PRTG: variants seen among roughly 807,000 people sequenced by gnomAD.
PRTG encodes immunoglobulin superfamily, DCC subclass, member 5.
In PRTG, 67 loss-of-function variants were observed where a neutral mutation model predicts 122.5. That is an observed-to-expected ratio of 0.55 (90% CI 0.45 to 0.67). PRTG has a LOEUF of 0.67. PRTG is among the 30% of genes least tolerant of loss of function. The pLI, the probability that PRTG is intolerant of heterozygous loss-of-function variation, is 0.00. For synonymous variants in PRTG, 554 were observed against 501.1 expected, an observed-to-expected ratio of 1.11 and a Z score of -1.41; for missense variants, 1,435 against 1,415.4, an observed-to-expected ratio of 1.01 and a Z score of -0.22.
At chr15:55,686,401 A>G (rs1595650912) in intron 2 of PRTG, among the ~76,000 whole-genome samples, 1 of 151,924 alleles carries the variant, frequency 6.6e-6, no homozygotes, top group Non-Finnish European at 1.5e-5. Flanking sequence ...TATCTTACTT[A>G]GTTTAAATTT....
chr15:55,647,625 T>C (rs1447881717), intron 11 of PRTG, among the ~76,000 whole-genome samples: 1 of 152,220 alleles, frequency 6.6e-6, no homozygotes, highest in Non-Finnish European at 1.5e-5. Context: ...AAGTACTTTG[T>C]AGAGTTCCTA....
intron 2 of PRTG, among the ~76,000 whole-genome samples, chr15:55,710,537 T>C (rs1232632451): frequency 6.6e-6 from 1 of 152,252 alleles, no homozygotes; most frequent in Non-Finnish European, 1.5e-5. Flanking sequence ...GAGTTGTTTT[T>C]TAAAGCCTCA....
rs1596006958 is a variant in PRTG, at chr15:55,615,394, C to T, written c.*4618G>A. On this transcript the variant is annotated 3_prime_UTR_variant, in exon 20 of 20. Transcript: ENST00000389286. ...AAGACTGTCATGTTAATCTTAAACA[C>T]CATCAACGGCTTAAAAAGGGAAATT... is the stretch of plus-strand genomic sequence containing the variant. The T allele has an allele frequency of 6.6e-6, 1 of 152,176 alleles. No individual in the cohort carries two copies. Among genetic ancestry groups the T allele is most frequent in the African/African-American group, 2.4e-5 (1 of 41,542 alleles). 9.4% of individuals were successfully genotyped at this position (152,176 alleles called of 1,614,324 possible).
intron 11 of PRTG, among the ~76,000 whole-genome samples, chr15:55,663,958 A>G (rs1383784129): frequency 1.3e-5 from 2 of 152,222 alleles, no homozygotes; most frequent in Non-Finnish European, 2.9e-5. Flanking sequence ...AATTGTTGCA[A>G]GCAGCAATAT....
Position 55,742,632 on chromosome 15 carries a change from A to G in PRTG, c.94+206T>C, listed in dbSNP as rs1418772078. 29 of 585,382 alleles carry G rather than the reference A, an allele frequency of 5.0e-5. 1 individual carries two copies. Among genetic ancestry groups the G allele is most frequent in the Non-Finnish European group, 8.4e-5 (29 of 345,312 alleles). The allele number at this position is 585,382 out of a possible 1,614,324, so 36.3% of individuals were successfully genotyped here. Reference sequence around the variant, plus strand: ...CGGAGAAGCTCCCGCAGCCCTGCCCAAGCAGCGCAGAGGCCGCAAGCAACT... The same window carrying G: ...CGGAGAAGCTCCCGCAGCCCTGCCCGAGCAGCGCAGAGGCCGCAAGCAACT... On this transcript the variant is annotated intron_variant, in intron 1 of 19. Transcript: ENST00000389286.
At position 55,637,351 on chromosome 15, in the gene PRTG, A is replaced by C; in HGVS notation, c.2453-11T>G. ...GTGGGCCTGCTGGTGCTGTGCAGAC[A>C]CAACAAAACATTGTATTAATATAGT... On this transcript the variant is annotated splice_polypyrimidine_tract_variant and intron_variant, in intron 14 of 19. Transcript: ENST00000389286. 1 of 1,599,918 alleles carries C rather than the reference A, an allele frequency of 6.3e-7. No homozygotes were observed. Among genetic ancestry groups the C allele is most frequent in the South Asian group, 1.1e-5 (1 of 88,514 alleles).
intron 15 of PRTG, among the ~76,000 whole-genome samples, chr15:55,633,557 T>C (rs189478451): frequency 6.4e-4 from 97 of 152,340 alleles, no homozygotes; most frequent in Admixed American, 4.8e-3. Context: ...ATTAAATATA[T>C]ATGTAAATAT....
chr15:55,659,620 A>G (rs1031275223), intron 11 of PRTG, among the ~76,000 whole-genome samples: 12 of 152,096 alleles, frequency 7.9e-5, no homozygotes, highest in Non-Finnish European at 1.6e-4. Context: ...AAGCTTCCTA[A>G]TGGGTAATCA....
chr15:55,643,109 T>G (rs2059301732), intron 11 of PRTG, among the ~76,000 whole-genome samples: 1 of 152,026 alleles, frequency 6.6e-6, no homozygotes, highest in Admixed American at 6.6e-5. Flanking sequence ...CAGAATAAAA[T>G]ATAAAGTTTA....
In PRTG at chr15:55,677,899, C is replaced by T; in HGVS notation, c.1279G>A (p.Ala427Thr). The T allele has an allele frequency of 1.9e-6, 3 of 1,613,906 alleles. No individual in the cohort carries two copies. Among genetic ancestry groups the T allele is most frequent in the Non-Finnish European group, 2.5e-6 (3 of 1,179,878 alleles). Residue 427 changes from alanine to threonine, a missense_variant, in exon 8 of 20, where the codon GCT becomes ACT. Physicochemically the swap from Ala to Thr is moderately conservative, Grantham distance 58. Transcript: ENST00000389286. Reference protein sequence around the residue: ...DRPSAPYNVHAETMSSSAILL... With the variant: ...DRPSAPYNVHTETMSSSAILL... ...ATGGCTGAGCTTGACATGGTTTCAG[C>T]ATGTACATTATAGGGAGCACTGGGT... is the stretch of plus-strand genomic sequence containing the variant.
rs775181192 is a variant in PRTG, at chr15:55,688,840, G to GAAACA, written c.398-4914_398-4910dup. Reference sequence around the variant, plus strand: ...AGAGCGAGACTCCATCTCAAAAAAAGAAACAAAACAAAACAAAGGCACTCC... The same window carrying GAAACA: ...AGAGCGAGACTCCATCTCAAAAAAAGAAACAAAACAAAACAAAACAAAGGCACTCC... On this transcript the variant is annotated intron_variant, in intron 2 of 19. Coordinates refer to ENST00000389286, the MANE Select transcript of PRTG (RefSeq NM_173814.6). 3.9e-5 allele frequency among the ~76,000 whole-genome samples: 6 copies of GAAACA among 152,044 alleles called. No individual in the cohort carries two copies. In the East Asian group the frequency reaches 7.7e-4, roughly 20 times the overall value.
At chr15:55,671,336 G>A (rs1047924866) in intron 11 of PRTG, among the ~76,000 whole-genome samples, 41 of 152,206 alleles carry the variant, frequency 2.7e-4, no homozygotes, top group Non-Finnish European at 4.7e-4. Context: ...TCCAGAAGGT[G>A]TAACAATTCA....
At chr15:55,620,640 T>A in intron 19 of PRTG, 23 bp downstream of exon 19, 1 of 1,563,394 alleles carries the variant, frequency 6.4e-7, no homozygotes, top group Non-Finnish European at 8.6e-7. Flanking sequence ...TTGCCAAAAA[T>A]TTTTCTCATT....
At chr15:55,710,943 G>C (rs1431573735) in intron 2 of PRTG, among the ~76,000 whole-genome samples, 7 of 151,974 alleles carry the variant, frequency 4.6e-5, no homozygotes, top group African/African-American at 9.6e-5. Flanking sequence ...TTTTGCTCTT[G>C]TCGCCCGGGC....
At chr15:55,634,281 C>T (rs1229532963) in intron 15 of PRTG, among the ~76,000 whole-genome samples, 1 of 151,842 alleles carries the variant, frequency 6.6e-6, no homozygotes, top group African/African-American at 2.4e-5. Context: ...GTTGGCCAGG[C>T]TGGTCTCCAA....
rs1208754579 is a variant in PRTG, at chr15:55,742,906, G to A, written c.26C>T (p.Ala9Val). ...CAGCATCCCCGGCGGTCGCAGCCGG[G>A]CGAGGGGTCGCAGAGGAGGCGCCAT... MAPPLRPL[A>V]RLRPPGMLLR... is the part of the protein sequence containing the mutation. The change falls in exon 1 of 20, where the codon GCC becomes GTC. Residue 9 changes from alanine (A) to valine (V), a missense_variant. Ala to Val is a moderately conservative substitution (Grantham distance 64). Coordinates refer to ENST00000389286, the MANE Select transcript of PRTG (RefSeq NM_173814.6). 1 of 1,528,422 alleles carries A rather than the reference G, an allele frequency of 6.5e-7. No individual in the cohort carries two copies. The highest frequency in any genetic ancestry group is 1.4e-5 in the African/African-American group (1 of 69,800). The allele number at this position is 1,528,422 out of a possible 1,614,324, so 94.7% of individuals were successfully genotyped here. A position where few individuals can be genotyped will look rare whatever the true frequency, so the allele number is the denominator to read the frequency against.
intron 3 of PRTG, among the ~76,000 whole-genome samples, chr15:55,683,336 C>T (rs573635959): frequency 2.6e-5 from 4 of 152,076 alleles, no homozygotes; most frequent in South Asian, 4.2e-4. Context: ...CCCAACCGCC[C>T]GCAGAACACT....
At chr15:55,659,697 G>A (rs373953618) in intron 11 of PRTG, among the ~76,000 whole-genome samples, 39 of 152,118 alleles carry the variant, frequency 2.6e-4, no homozygotes, top group African/African-American at 9.2e-4. Context: ...AGGCCGAGGC[G>A]GACGGACTGC....
At chr15:55,720,080 G>T (rs2030755460) in intron 2 of PRTG, among the ~76,000 whole-genome samples, 1 of 148,596 alleles carries the variant, frequency 6.7e-6, no homozygotes, top group Admixed American at 6.8e-5. Flanking sequence ...GAAAAGAAAA[G>T]AAAAGAAAAA....
Sources: allele counts gnomAD v4.1 joint callset (sites outside exome capture counted in the v4.1 genomes callset), GRCh38; gene constraint gnomAD v4.1.1; transcripts MANE v1.5; gene names NCBI Gene and HGNC (gene_info 2026-07-23, HGNC 2026-07-21).